Variants in JAZF1 observed in about 807,000 individuals in gnomAD.
JAZF1 encodes the protein juxtaposed with another zinc finger protein 1.
Under a neutral mutation model 26.4 loss-of-function variants are expected in JAZF1, and 8 were observed. That is an observed-to-expected ratio of 0.30 (90% CI 0.18 to 0.55). The LOEUF is 0.55. Ranked by LOEUF, JAZF1 falls within the 20% of genes least tolerant of loss-of-function variation. The pLI is 0.94. For missense variants in JAZF1, 199 were observed against 322.0 expected, an observed-to-expected ratio of 0.62 and a Z score of 2.92; for synonymous variants, 126 against 122.3, an observed-to-expected ratio of 1.03 and a Z score of -0.20.
chr7:28,025,885 G>C (rs1783085672), intron 1 of JAZF1, among the ~76,000 whole-genome samples: 1 of 152,192 alleles, frequency 6.6e-6, no homozygotes, highest in African/African-American at 2.4e-5. Flanking sequence ...ATTATTCAGA[G>C]CCTTGGCACC....
intron 2 of JAZF1, among the ~76,000 whole-genome samples, chr7:27,899,468 G>A (rs1784128792): frequency 6.6e-6 from 1 of 152,054 alleles, no homozygotes; most frequent in African/African-American, 2.4e-5. Context: ...ACAGGGTCTC[G>A]CTGTCACCCA....
intron 3 of JAZF1, among the ~76,000 whole-genome samples, chr7:27,891,234 C>T (rs1424680402): frequency 6.6e-6 from 1 of 152,172 alleles, no homozygotes; most frequent in African/African-American, 2.4e-5. Context: ...CCAACTCTGG[C>T]CTGTTTTTGT....
intron 2 of JAZF1, chr7:27,914,773 C>T (rs1395215095): frequency 1.3e-5 from 6 of 471,022 alleles, no homozygotes; most frequent in Admixed American, 2.3e-5. Flanking sequence ...TACAGTAGAT[C>T]GGTTCAGCCT....
chr7:27,858,753 A>G (rs141389483), intron 3 of JAZF1, among the ~76,000 whole-genome samples: 1,961 of 152,338 alleles, frequency 0.013, 41 homozygotes, highest in African/African-American at 0.041. Flanking sequence ...AGACTTAAAC[A>G]TAAAACATAA....
At chr7:27,860,707 G>A (rs555439274) in intron 3 of JAZF1, among the ~76,000 whole-genome samples, 3 of 152,336 alleles carry the variant, frequency 2.0e-5, no homozygotes, top group African/African-American at 7.2e-5. Context: ...TCCGTGGGGT[G>A]CAAGGGTTCC....
chr7:27,889,469 C>T (rs750820036), intron 3 of JAZF1, among the ~76,000 whole-genome samples: 1 of 152,026 alleles, frequency 6.6e-6, no homozygotes, highest in Non-Finnish European at 1.5e-5. Context: ...CTTTTTAGGG[C>T]CAGTAATTCT....
chr7:27,950,937 C>T (rs1784998542), intron 2 of JAZF1, among the ~76,000 whole-genome samples: 2 of 152,090 alleles, frequency 1.3e-5, no homozygotes. Flanking sequence ...ACAACTCCTG[C>T]ATACAAGATA....
chr7:27,852,813 C>T (rs1439579540), intron 3 of JAZF1, among the ~76,000 whole-genome samples: 2 of 152,230 alleles, frequency 1.3e-5, no homozygotes, highest in East Asian at 3.8e-4. Context: ...TTTGGACTCA[C>T]TTATTTTCAA....
At chr7:27,891,924 G>A (rs1486393905) in intron 3 of JAZF1, among the ~76,000 whole-genome samples, 2 of 152,164 alleles carry the variant, frequency 1.3e-5, no homozygotes, top group Non-Finnish European at 2.9e-5. Context: ...ATAAAGCTGA[G>A]CTCTAATTCA....
chr7:28,177,946 C>T (rs1783573058), intron 1 of JAZF1, among the ~76,000 whole-genome samples: 1 of 152,148 alleles, frequency 6.6e-6, no homozygotes, highest in East Asian at 1.9e-4. Flanking sequence ...AAGGGCCTCT[C>T]CCCAGCAGAA....
intron 1 of JAZF1, among the ~76,000 whole-genome samples, chr7:28,062,194 C>T (rs1211606969): frequency 1.3e-5 from 2 of 152,078 alleles, no homozygotes; most frequent in African/African-American, 2.4e-5. Flanking sequence ...CCAAATACAC[C>T]CCTTAATAGC....
At chr7:27,855,840 G>T (rs781068181) in intron 3 of JAZF1, among the ~76,000 whole-genome samples, 2 of 152,006 alleles carry the variant, frequency 1.3e-5, no homozygotes, top group Admixed American at 1.3e-4. Context: ...AGAAAAAGAG[G>T]GACTCCTCCC....
chr7:27,954,361 G>A (rs1339935210), intron 2 of JAZF1, among the ~76,000 whole-genome samples: 1 of 152,152 alleles, frequency 6.6e-6, no homozygotes, highest in Non-Finnish European at 1.5e-5. Flanking sequence ...GCCGTCATCT[G>A]CAGAGGAACA....
chr7:28,160,448 C>A (rs192373250), intron 1 of JAZF1, among the ~76,000 whole-genome samples: 116 of 152,208 alleles, frequency 7.6e-4, no homozygotes, highest in African/African-American at 2.8e-3. Flanking sequence ...TGTGGCTGCA[C>A]CCCCAGCACT....
At chr7:28,156,285 C>G (rs1783184278) in intron 1 of JAZF1, among the ~76,000 whole-genome samples, 2 of 152,204 alleles carry the variant, frequency 1.3e-5, no homozygotes, top group African/African-American at 4.8e-5. Context: ...ACAGAGGAAC[C>G]AGTCAAGGAC....
At chr7:27,993,230 A>G (rs1311957681) in intron 1 of JAZF1, among the ~76,000 whole-genome samples, 1 of 152,162 alleles carries the variant, frequency 6.6e-6, no homozygotes, top group Non-Finnish European at 1.5e-5. Flanking sequence ...AGGTCCTTGA[A>G]AGCCAAATTC....
chr7:27,918,825 G>GA (rs370966663), intron 2 of JAZF1, among the ~76,000 whole-genome samples: 22 of 148,648 alleles, frequency 1.5e-4, no homozygotes, highest in South Asian at 6.4e-4. Flanking sequence ...GGTGATAAGA[G>GA]AAAAAAAAAA....
At chr7:27,990,895 A>T (rs1245910645) in intron 2 of JAZF1, among the ~76,000 whole-genome samples, 1 of 152,194 alleles carries the variant, frequency 6.6e-6, no homozygotes, top group African/African-American at 2.4e-5. Flanking sequence ...ACTTCTTGGG[A>T]AGGCTGATAA....
At position 28,140,617 on chromosome 7, in the gene JAZF1, T is replaced by G. The variant is rs541380824; in HGVS notation, c.115+39846A>C. On this transcript the variant is annotated intron_variant, in intron 1 of 4. Coordinates refer to ENST00000283928, the MANE Select transcript of JAZF1 (RefSeq NM_175061.4). ...AAAAATTCTACAGGAGATTTTACTG[T>G]CCGGTCCCCCGTGGATTCTGTTGGT... Among the ~76,000 whole-genome samples the G allele has an allele frequency of 3.7e-3, 557 of 152,176 alleles. 1 individual carries two copies. The highest frequency in any genetic ancestry group is 0.01 in the Middle Eastern group (3 of 294).
Sources: gnomAD v4.1 joint callset for allele counts (sites outside exome capture counted in the v4.1 genomes callset) on GRCh38, gnomAD v4.1.1 for gene constraint, MANE v1.5 for transcripts, NCBI Gene and HGNC (gene_info 2026-07-23, HGNC 2026-07-21) for gene names.